ACTR3B: variants seen among roughly 807,000 people sequenced by gnomAD.
The protein encoded by ACTR3B is actin-related protein 3B.
Under a neutral mutation model 59.0 loss-of-function variants are expected in ACTR3B, and 8 were observed. The ratio of observed to expected loss-of-function variants is 0.14; its 90% CI spans 0.08 to 0.24. The LOEUF (loss-of-function observed/expected upper bound fraction) is 0.24, where lower values mean the gene tolerates loss of function less well. Ranked by LOEUF, ACTR3B falls within the 10% of genes least tolerant of loss-of-function variation. The pLI is 1.00. For missense variants in ACTR3B, 245 were observed against 552.3 expected, an observed-to-expected ratio of 0.44 and a Z score of 5.58; for synonymous variants, 148 against 197.9, an observed-to-expected ratio of 0.75 and a Z score of 2.12.
chr7:152,824,262 T>A lies in ACTR3B; in HGVS notation c.858+747T>A, dbSNP rs1796401782. Among the ~76,000 whole-genome samples the A allele has an allele frequency of 6.6e-6, 1 of 152,204 alleles. No homozygotes were observed. Among genetic ancestry groups the A allele is most frequent in the African/African-American group, 2.4e-5 (1 of 41,450 alleles). On this transcript the variant is annotated intron_variant, in intron 8 of 11. Coordinates refer to ENST00000256001, the MANE Select transcript of ACTR3B (RefSeq NM_020445.6). The surrounding 1 kb of genome is among the most constrained non-coding windows in gnomAD (Gnocchi z 4.2). ...CATAGAATGTGTTCCTCGCTAGTAA[T>A]CTGAATAATAAAATAATAATGATAA...
At chr7:152,789,967 A>G (rs1340517864) in intron 2 of ACTR3B, among the ~76,000 whole-genome samples, 28 of 146,226 alleles carry the variant, frequency 1.9e-4, no homozygotes, top group African/African-American at 6.9e-4. Context: ...TATTGAGATG[A>G]TCATATGGTT....
Position 152,854,603 on chromosome 7 carries a change from C to T in ACTR3B, c.*50C>T, listed in dbSNP as rs558325298. On this transcript the variant is annotated 3_prime_UTR_variant, in exon 12 of 12. Coordinates refer to ENST00000256001, the MANE Select transcript of ACTR3B (RefSeq NM_020445.6). The surrounding 1 kb of genome is among the most constrained non-coding windows in gnomAD (Gnocchi z 4.9). ...TGGTGTCACGTTGGGGAACAAGTGT[C>T]CTTCAGAACCCAGAGAAGGCCGCCG... is the stretch of plus-strand genomic sequence containing the variant. 2.5e-6 allele frequency: 4 copies of T among 1,577,752 alleles called. No homozygotes were observed. In the South Asian group the frequency reaches 4.4e-5, roughly 17 times the overall value.
chr7:152,825,705 A>T (rs1355807929), intron 9 of ACTR3B, among the ~76,000 whole-genome samples: 1 of 152,170 alleles, frequency 6.6e-6, no homozygotes, highest in Non-Finnish European at 1.5e-5. Context: ...ACAAATATCG[A>T]TGGAAAGTAA....
chr7:152,829,904 A>G (rs1303721705), intron 9 of ACTR3B, among the ~76,000 whole-genome samples: 1 of 152,218 alleles, frequency 6.6e-6, no homozygotes, highest in African/African-American at 2.4e-5. Context: ...GAGGTACTTG[A>G]GTACCTACTA....
intron 1 of ACTR3B, among the ~76,000 whole-genome samples, chr7:152,760,547 T>A (rs1360491320): frequency 6.6e-6 from 1 of 152,220 alleles, no homozygotes; most frequent in Non-Finnish European, 1.5e-5. Context: ...AATGGCACAC[T>A]CAGGCCAAGC....
intron 9 of ACTR3B, among the ~76,000 whole-genome samples, chr7:152,847,909 C>T (rs895158893): frequency 9.9e-5 from 15 of 152,268 alleles, no homozygotes; most frequent in South Asian, 2.1e-4. Flanking sequence ...CGTTTCTTCC[C>T]GCCGTGTCTT....
intron 9 of ACTR3B, among the ~76,000 whole-genome samples, chr7:152,834,527 T>C (rs1797291110): frequency 6.6e-6 from 1 of 152,258 alleles, no homozygotes; most frequent in Non-Finnish European, 1.5e-5. Context: ...AGATATGTCC[T>C]GTTGTATTTA....
intron 10 of ACTR3B, among the ~76,000 whole-genome samples, chr7:152,853,166 C>G (rs1304009332): frequency 6.6e-6 from 1 of 151,318 alleles, no homozygotes; most frequent in Non-Finnish European, 1.5e-5. Context: ...GCCAGAACAT[C>G]TGATATGTTA....
At chr7:152,760,384 C>T (rs2117086727) in intron 1 of ACTR3B, among the ~76,000 whole-genome samples, 1 of 152,346 alleles carries the variant, frequency 6.6e-6, no homozygotes, top group South Asian at 2.1e-4. Context: ...CCCTGCCTTC[C>T]AGCGTTCTCA....
At chr7:152,811,054 G>A (rs1189247896) in intron 4 of ACTR3B, 4 of 151,214 alleles carry the variant, frequency 2.6e-5, no homozygotes, top group Admixed American at 1.3e-4. Flanking sequence ...TTGTTCCAAA[G>A]TGTTTAGTGA....
At chr7:152,822,171 C>T (rs184803641) in intron 7 of ACTR3B, among the ~76,000 whole-genome samples, 4,437 of 152,282 alleles carry the variant, frequency 0.029, 71 homozygotes, top group Middle Eastern at 0.095. Context: ...CTTAAAATTC[C>T]GCTAGAGTAT....
intron 9 of ACTR3B, among the ~76,000 whole-genome samples, chr7:152,842,487 G>C (rs1328063424): frequency 6.6e-6 from 1 of 152,184 alleles, no homozygotes; most frequent in African/African-American, 2.4e-5. Flanking sequence ...TTTTCAGACT[G>C]TGGCTGACCA....
rs1244422563 is a variant in ACTR3B, at chr7:152,825,053, G to A, written c.882G>A (p.Glu294=). Residue 294 remains glutamate, a synonymous_variant, in exon 9 of 12, where the codon GAG becomes GAA. Coordinates refer to ENST00000256001, the MANE Select transcript of ACTR3B (RefSeq NM_020445.6). ...HPEFANPDFM[E]SISDVVDEVI... ...AGTTTGCCAACCCAGACTTTATGGAGTCCATCTCAGATGTTGTTGATGAAG... is the reference window on the plus strand; with the variant it reads ...AGTTTGCCAACCCAGACTTTATGGAATCCATCTCAGATGTTGTTGATGAAG... 2 of 1,613,662 alleles carry A rather than the reference G, an allele frequency of 1.2e-6. No homozygotes were observed. Among genetic ancestry groups the A allele is most frequent in the Middle Eastern group, 1.7e-4 (1 of 6,054 alleles).
At chr7:152,771,744 G>A (rs2098124428) in intron 1 of ACTR3B, among the ~76,000 whole-genome samples, 1 of 152,188 alleles carries the variant, frequency 6.6e-6, no homozygotes, top group Non-Finnish European at 1.5e-5. Flanking sequence ...AAAATTCAGA[G>A]TCATTAAAAT....
At chr7:152,795,793 G>C (rs1462907126) in intron 2 of ACTR3B, among the ~76,000 whole-genome samples, 1 of 150,820 alleles carries the variant, frequency 6.6e-6, no homozygotes, top group Non-Finnish European at 1.5e-5. Context: ...GTGCAACTCT[G>C]TCTGAAGTGG....
intron 4 of ACTR3B, chr7:152,812,393 GACTTTCTGC>G (rs1365171461): frequency 1.0e-5 from 1 of 99,794 alleles, no homozygotes. Context: ...TCTTTTGCTG[GACTTTCTGC>G]ATTCTTCTTG....
intron 4 of ACTR3B, among the ~76,000 whole-genome samples, chr7:152,802,044 C>G (rs892275626): frequency 6.6e-6 from 1 of 152,110 alleles, no homozygotes; most frequent in Non-Finnish European, 1.5e-5. Flanking sequence ...AGGGTGGCTG[C>G]CAAATTCCTA....
chr7:152,783,426 G>A (rs543116934), intron 2 of ACTR3B, among the ~76,000 whole-genome samples, 184 bp downstream of exon 2: 494 of 152,102 alleles, frequency 3.2e-3, no homozygotes, highest in African/African-American at 0.011. Flanking sequence ...TGTCACTGTC[G>A]TTGGAATCTC....
intron 5 of ACTR3B, among the ~76,000 whole-genome samples, chr7:152,815,271 C>T (rs1008498818): frequency 5.3e-5 from 8 of 152,156 alleles, no homozygotes; most frequent in South Asian, 2.1e-4. Context: ...TGAATTTGGG[C>T]GATGCTGCAT....
Sources: gnomAD v4.1 joint callset for allele counts (sites outside exome capture counted in the v4.1 genomes callset) on GRCh38, gnomAD v4.1.1 for gene constraint, Gnocchi (gnomAD v3.1) non-coding constraint, MANE v1.5 for transcripts, NCBI Gene and HGNC (gene_info 2026-07-23, HGNC 2026-07-21) for gene names.